The following PRRC2B variants were observed in gnomAD, a reference collection of about 807,000 sequenced individuals.
PRRC2B encodes protein PRRC2B.
Under a neutral mutation model 242.3 loss-of-function variants are expected in PRRC2B, and 68 were observed. That is an observed-to-expected ratio of 0.28 (90% confidence interval 0.23 to 0.34). The LOEUF (loss-of-function observed/expected upper bound fraction) is 0.34, where lower values mean the gene tolerates loss of function less well. PRRC2B is among the 10% of genes least tolerant of loss of function. The probability of loss-of-function intolerance (pLI) is 1.00; values close to 1 mark genes in which losing one functional copy is unlikely to be tolerated. For synonymous variants in PRRC2B, 1,228 were observed against 1,173.6 expected (o/e 1.05, Z -0.95); for missense variants, 2,835 against 2,954.8 (o/e 0.96, Z 0.94).
chr9:131,393,202 G>T (rs1335654028), upstream of PRRC2B, among the ~76,000 whole-genome samples: 2 of 152,192 alleles, frequency 1.3e-5, no homozygotes, highest in African/African-American at 4.8e-5. Flanking sequence ...AGGATTAAGT[G>T]AGACAAACCA....
chr9:131,393,105 G>A (rs1457676701), upstream of PRRC2B, among the ~76,000 whole-genome samples: 3 of 152,050 alleles, frequency 2.0e-5, no homozygotes, highest in Non-Finnish European at 4.4e-5. Context: ...TTTCCTTCTG[G>A]GTCCAGCAGT....
chr9:131,422,994 T>C (rs1179721574), intron 1 of PRRC2B, among the ~76,000 whole-genome samples: 2 of 152,338 alleles, frequency 1.3e-5, no homozygotes, highest in East Asian at 3.9e-4. Context: ...GAGTGGCTTC[T>C]GTGGGAAAGG....
chr9:131,446,743 C>A lies in PRRC2B; in HGVS notation c.855+101C>A. The A allele has an allele frequency of 7.5e-7, 1 of 1,336,600 alleles. No homozygotes were observed. The highest frequency in any genetic ancestry group is 1.0e-6 in the Non-Finnish European group (1 of 969,344). 82.8% of individuals were successfully genotyped at this position (1,336,600 alleles called of 1,614,324 possible). A position where few individuals can be genotyped will look rare whatever the true frequency, so the allele number is the denominator to read the frequency against. On this transcript the variant is annotated intron_variant, in intron 7 of 31. Transcript: ENST00000683519. The surrounding 1 kb of genome is among the most constrained non-coding windows in gnomAD (Gnocchi z 4.1). The stretch of plus-strand genomic sequence containing the variant: ...GTCCCCCTTGGGGTCTCCTCTTGGC[C>A]CTGTTACCCTACTTCTGAGGCTTCC...
rs1245260276 is a variant in PRRC2B, at chr9:131,496,749, C to T, written c.*875C>T. Reference sequence around the variant, plus strand: ...CACACAGGGTCCCTGTCCTGGGCTCCTCTAAAGCCAGTGGATGTGCTGGGC... The same window carrying T: ...CACACAGGGTCCCTGTCCTGGGCTCTTCTAAAGCCAGTGGATGTGCTGGGC... On this transcript the variant is annotated 3_prime_UTR_variant, in exon 32 of 32. Coordinates refer to ENST00000683519, the MANE Select transcript of PRRC2B (RefSeq NM_013318.4). The T allele has an allele frequency of 1.3e-5, 2 of 152,212 alleles. No homozygotes were observed. The highest frequency in any genetic ancestry group is 4.8e-5 in the African/African-American group (2 of 41,444). The allele number at this position is 152,212 out of a possible 1,614,324, so 9.4% of individuals were successfully genotyped here. A position where few individuals can be genotyped will look rare whatever the true frequency, so the allele number is the denominator to read the frequency against.
intron 12 of PRRC2B, among the ~76,000 whole-genome samples, chr9:131,465,310 G>A (rs1370883140): frequency 6.6e-6 from 1 of 152,158 alleles, no homozygotes; most frequent in Non-Finnish European, 1.5e-5. Flanking sequence ...GGGGTACATT[G>A]TGTGATGCTG....
intron 1 of PRRC2B, among the ~76,000 whole-genome samples, chr9:131,423,936 G>T (rs969235397): frequency 7.3e-6 from 1 of 136,144 alleles, no homozygotes; most frequent in African/African-American, 2.5e-5. Context: ...ATTTCTTTCT[G>T]CTACGTTTTT....
At chr9:131,425,111 G>A (rs147059892) in intron 1 of PRRC2B, among the ~76,000 whole-genome samples, 253 of 152,116 alleles carry the variant, frequency 1.7e-3, no homozygotes, top group Admixed American at 3.9e-3. Flanking sequence ...TTAGCCTCCC[G>A]AGTAGCTGAG....
chr9:131,480,976 G>A (rs1186320722), intron 19 of PRRC2B, among the ~76,000 whole-genome samples: 4 of 151,756 alleles, frequency 2.6e-5, no homozygotes. Flanking sequence ...TTCAAGACCA[G>A]CAACAGAGTG....
intron 14 of PRRC2B, among the ~76,000 whole-genome samples, chr9:131,472,525 G>A (rs1399051467): frequency 7.3e-6 from 1 of 137,532 alleles, no homozygotes; most frequent in Non-Finnish European, 1.5e-5. Flanking sequence ...CACCCAGGCT[G>A]GAGTGCAGTG....
rs779645467 is a variant in PRRC2B, at chr9:131,476,494, C to T, written c.4365C>T (p.Arg1455=). The change falls in exon 16 of 32, where the codon CGC becomes CGT. Residue 1455 remains arginine (R), a synonymous_variant. Transcript: ENST00000683519. ...VRPGGGDTSP[R]YESQQNGTPL... is the part of the protein sequence containing the mutation. ...CAGGTGGTGGTGACACCTCCCCTCG[C>T]TATGAGAGCCAACAGAATGGGACGC... The T allele has an allele frequency of 1.9e-6, 3 of 1,609,466 alleles. No individual in the cohort carries two copies. In the South Asian group the frequency reaches 3.3e-5, roughly 18 times the overall value.
chr9:131,475,821 G>C lies in PRRC2B; in HGVS notation c.3692G>C (p.Ser1231Thr), dbSNP rs200909783. ...GAGTCACCCCACTGGCAGAGCAAAA[G>C]TCCAGGCAGCTCTTGGCAGGAATAT... The part of the protein sequence containing the change: ...SKESPHWQSK[S>T]PGSSWQEYGP... The change falls in exon 16 of 32, where the codon AGT becomes ACT. Residue 1231 changes from serine to threonine, a missense_variant. Physicochemically the swap from Ser to Thr is moderately conservative, Grantham distance 58. This residue lies in a region of PRRC2B where 1,536 missense variants were observed against 1,483.1 expected (regional missense o/e 1.04). Coordinates refer to ENST00000683519, the MANE Select transcript of PRRC2B (RefSeq NM_013318.4). 1 of 1,612,730 alleles carries C rather than the reference G, an allele frequency of 6.2e-7. No individual in the cohort carries two copies. Among genetic ancestry groups the C allele is most frequent in the African/African-American group, 1.3e-5 (1 of 75,048 alleles).
At chr9:131,450,363 G>A (rs1456938611) in intron 9 of PRRC2B, among the ~76,000 whole-genome samples, 2 of 151,888 alleles carry the variant, frequency 1.3e-5, no homozygotes, top group African/African-American at 2.4e-5. Context: ...CGCCTCCCGG[G>A]TTCAAGTGAT....
intron 28 of PRRC2B, among the ~76,000 whole-genome samples, chr9:131,489,754 G>A (rs558391203): frequency 1.3e-5 from 2 of 152,272 alleles, no homozygotes; most frequent in Non-Finnish European, 2.9e-5. Context: ...CCCCTGGGGG[G>A]CCCTGCCCCA....
intron 11 of PRRC2B, among the ~76,000 whole-genome samples, chr9:131,463,097 A>T (rs1449256689): frequency 3.9e-5 from 6 of 152,156 alleles, no homozygotes; most frequent in African/African-American, 1.4e-4. Flanking sequence ...TGAGCCATGA[A>T]CTGATCAATA....
At chr9:131,490,358 C>T (rs905365935) in intron 28 of PRRC2B, 1 of 483,552 alleles carries the variant, frequency 2.1e-6, no homozygotes. Flanking sequence ...TACCTGGCCT[C>T]CCTGCAAGTC....
chr9:131,400,219 G>A (rs1837191203), intron 1 of PRRC2B, among the ~76,000 whole-genome samples: 1 of 152,098 alleles, frequency 6.6e-6, no homozygotes, highest in African/African-American at 2.4e-5. Context: ...AAGTAGCTGG[G>A]ATCCTATAGG....
rs7029706 is a variant in PRRC2B at position 131,463,215 on chromosome 9, C to T, written c.1405-1548C>T. 5.2e-3 allele frequency among the ~76,000 whole-genome samples: 785 copies of T among 152,240 alleles called. 10 individuals are homozygous for T. Among genetic ancestry groups the T allele is most frequent in the African/African-American group, 0.018 (761 of 41,538 alleles). On this transcript the variant is annotated intron_variant, in intron 11 of 31. Coordinates refer to ENST00000683519, the MANE Select transcript of PRRC2B (RefSeq NM_013318.4). ...TTATATAAAATGTACCTTCATGCCT[C>T]TAAATTGGAAGTTTATAATCTTATG...
intron 1 of PRRC2B, among the ~76,000 whole-genome samples, chr9:131,388,641 T>C (rs1283754106): frequency 1.3e-5 from 2 of 149,492 alleles, no homozygotes; most frequent in African/African-American, 4.9e-5. Flanking sequence ...CCTCCTGGGT[T>C]CAAGTGATTC....
Position 131,446,944 on chromosome 9 carries a change from G to T in PRRC2B, c.856-141G>T. ...CAGCAGGAATGAAATGGGGGAGATG[G>T]TGGTAGGATTAATTAGGAAACCCCA... On this transcript the variant is annotated intron_variant, in intron 7 of 31. Transcript: ENST00000683519. The surrounding 1 kb of genome is among the most constrained non-coding windows in gnomAD (Gnocchi z 4.1). 1 of 1,113,560 alleles carries T rather than the reference G, an allele frequency of 9.0e-7. No homozygotes were observed. The highest frequency in any genetic ancestry group is 1.6e-5 in the African/African-American group (1 of 64,012). The allele number at this position is 1,113,560 out of a possible 1,614,324, so 69.0% of individuals were successfully genotyped here.
Sources: allele counts gnomAD v4.1 joint callset (sites outside exome capture counted in the v4.1 genomes callset), GRCh38; gene constraint gnomAD v4.1.1; regional missense constraint gnomAD v4.1.1; non-coding constraint Gnocchi (gnomAD v3.1); transcripts MANE v1.5; gene names NCBI Gene and HGNC (gene_info 2026-07-23, HGNC 2026-07-21).